The following MBD5 variants were observed in gnomAD, a reference collection of about 807,000 sequenced individuals.
MBD5 encodes the protein methyl-CpG-binding domain protein 5.
MBD5 carries 13 observed loss-of-function variants against 117.3 expected under a neutral mutation model. That is an observed-to-expected ratio of 0.11 (90% CI 0.07 to 0.18). MBD5 has a LOEUF of 0.18. MBD5 is among the 10% of genes least tolerant of loss of function. MBD5 has a pLI of 1.00. For synonymous variants in MBD5, 727 were observed against 766.4 expected, an observed-to-expected ratio of 0.95 and a Z score of 0.85; for missense variants, 1,879 against 2,093.8, an observed-to-expected ratio of 0.90 and a Z score of 2.00.
At chr2:148,359,037 G>A (rs992405895) in intron 4 of MBD5, among the ~76,000 whole-genome samples, 1 of 151,976 alleles carries the variant, frequency 6.6e-6, no homozygotes, top group African/African-American at 2.4e-5. Context: ...CGAGGCACAT[G>A]GATCACCTGA....
chr2:148,503,408 T>G lies in MBD5; in HGVS notation c.5036+899T>G, dbSNP rs189686251. The stretch of plus-strand genomic sequence containing the variant: ...TAACTTCTGTTTGTACATCAAGACT[T>G]ACAAAGTGGAGATCAGAATGATTCG... On this transcript the variant is annotated intron_variant, in intron 12 of 13. Coordinates refer to ENST00000642680, the MANE Select transcript of MBD5 (RefSeq NM_001378120.1). Among the ~76,000 whole-genome samples the G allele has an allele frequency of 1.5e-4, 23 of 152,346 alleles. No homozygotes were observed. The East Asian group carries it at 3.9e-3, about 26-fold the overall frequency.
intron 4 of MBD5, among the ~76,000 whole-genome samples, chr2:148,374,419 T>C (rs1198434331): frequency 6.6e-6 from 1 of 152,226 alleles, no homozygotes; most frequent in African/African-American, 2.4e-5. Flanking sequence ...TTAAACAATA[T>C]GCGACTTCCT....
intron 2 of MBD5, among the ~76,000 whole-genome samples, chr2:148,209,321 A>G (rs1699364572): frequency 6.6e-6 from 1 of 152,078 alleles, no homozygotes; most frequent in Non-Finnish European, 1.5e-5. Context: ...TTAGGGGCCA[A>G]TTAGATCATG....
intron 3 of MBD5, among the ~76,000 whole-genome samples, chr2:148,238,018 CTAA>C (rs1412338894): frequency 6.6e-6 from 1 of 152,108 alleles, no homozygotes; most frequent in Non-Finnish European, 1.5e-5. Flanking sequence ...TTAGCACTGC[CTAA>C]CATGTAATTC....
intron 3 of MBD5, among the ~76,000 whole-genome samples, chr2:148,258,400 T>C (rs1192878838): frequency 6.6e-6 from 1 of 152,058 alleles, no homozygotes; most frequent in African/African-American, 2.4e-5. Flanking sequence ...TTATTCAGGT[T>C]CCCATAAAGA....
intron 4 of MBD5, among the ~76,000 whole-genome samples, chr2:148,430,091 A>G (rs975365462): frequency 6.6e-6 from 1 of 152,194 alleles, no homozygotes; most frequent in African/African-American, 2.4e-5. Context: ...GAATTTGACC[A>G]GAGCATACAT....
intron 3 of MBD5, among the ~76,000 whole-genome samples, chr2:148,278,353 G>T (rs1043625140): frequency 3.3e-5 from 5 of 152,032 alleles, no homozygotes; most frequent in Admixed American, 2.6e-4. Flanking sequence ...TTAGTGCAGG[G>T]TTGTATATAT....
chr2:148,068,604 T>C (rs976747963), intron 1 of MBD5: 3 of 152,226 alleles, frequency 2.0e-5, no homozygotes, highest in Non-Finnish European at 4.4e-5. Flanking sequence ...GTAACTTCTG[T>C]GGCAAAAAGT....
At chr2:148,023,016 C>G (rs879840293) in intron 1 of MBD5, among the ~76,000 whole-genome samples, 1 of 150,772 alleles carries the variant, frequency 6.6e-6, no homozygotes, top group African/African-American at 2.4e-5. Context: ...TTTCTTTATT[C>G]TTTCCTTGAA....
intron 1 of MBD5, among the ~76,000 whole-genome samples, chr2:148,036,535 G>A (rs1694199043): frequency 6.6e-6 from 1 of 152,058 alleles, no homozygotes; most frequent in Non-Finnish European, 1.5e-5. Context: ...TTAAAGTTAA[G>A]TATTGGGCTA....
At chr2:148,499,162 C>T (rs1282932139) in intron 11 of MBD5, among the ~76,000 whole-genome samples, 1 of 151,996 alleles carries the variant, frequency 6.6e-6, no homozygotes, top group Non-Finnish European at 1.5e-5. Context: ...ATTAGCTGGG[C>T]ATTGTGGCAC....
intron 4 of MBD5, among the ~76,000 whole-genome samples, chr2:148,428,791 T>C (rs1705892072): frequency 6.6e-6 from 1 of 152,146 alleles, no homozygotes; most frequent in Admixed American, 6.5e-5. Flanking sequence ...TAGCTAGCCA[T>C]AGGCAGAAAA....
chr2:148,143,933 A>G (rs1209513626), intron 1 of MBD5, among the ~76,000 whole-genome samples: 1 of 152,042 alleles, frequency 6.6e-6, no homozygotes, highest in African/African-American at 2.4e-5. Flanking sequence ...GTGTCTTCAT[A>G]GCAGCATGAT....
At chr2:148,086,547 T>C (rs1357779760) in intron 1 of MBD5, among the ~76,000 whole-genome samples, 2 of 152,200 alleles carry the variant, frequency 1.3e-5, no homozygotes, top group Non-Finnish European at 2.9e-5. Flanking sequence ...TACCTGACCC[T>C]GGCTCATCCC....
At chr2:148,057,962 A>G (rs1054022688) in intron 1 of MBD5, among the ~76,000 whole-genome samples, 1 of 152,106 alleles carries the variant, frequency 6.6e-6, no homozygotes, top group Non-Finnish European at 1.5e-5. Context: ...TTGATTTTAA[A>G]GAACAGATAT....
intron 11 of MBD5, among the ~76,000 whole-genome samples, chr2:148,498,918 G>C (rs142637773): frequency 6.6e-6 from 1 of 152,026 alleles, no homozygotes; most frequent in East Asian, 1.9e-4. Context: ...GTTTCTATCC[G>C]CACTGAACAA....
chr2:148,193,066 C>A (rs1363920481), intron 2 of MBD5, among the ~76,000 whole-genome samples: 1 of 111,798 alleles, frequency 8.9e-6, no homozygotes, highest in Non-Finnish European at 1.9e-5. Context: ...CATGAAGGAC[C>A]TCTTCAAGGA....
At chr2:148,443,110 A>T (rs1321746001) in intron 4 of MBD5, among the ~76,000 whole-genome samples, 1 of 151,444 alleles carries the variant, frequency 6.6e-6, no homozygotes, top group Non-Finnish European at 1.5e-5. Flanking sequence ...TTCTCAGAAG[A>T]AGTCATATAA....
chr2:148,247,067 T>C (rs572913680), intron 3 of MBD5, among the ~76,000 whole-genome samples: 1 of 152,276 alleles, frequency 6.6e-6, no homozygotes, highest in East Asian at 1.9e-4. Context: ...CCTGTAAAGC[T>C]TTTTTTAAAT....
Sources: gnomAD v4.1 joint callset for allele counts (sites outside exome capture counted in the v4.1 genomes callset) on GRCh38, gnomAD v4.1.1 for gene constraint, MANE v1.5 for transcripts, NCBI Gene and HGNC (gene_info 2026-07-23, HGNC 2026-07-21) for gene names.